The following XPO4 variants were observed in gnomAD, a reference collection of about 807,000 sequenced individuals.
XPO4 encodes the protein exportin-4.
XPO4 carries 39 observed loss-of-function variants against 143.0 expected under a neutral mutation model. That is an observed-to-expected ratio of 0.27 (90% confidence interval 0.21 to 0.36). The LOEUF (loss-of-function observed/expected upper bound fraction) is 0.36. XPO4 is among the 10% of genes least tolerant of loss of function. The probability of loss-of-function intolerance (pLI) is 1.00; values close to 1 mark genes in which losing one functional copy is unlikely to be tolerated. For synonymous variants in XPO4, 439 were observed against 474.0 expected, an observed-to-expected ratio of 0.93 and a Z score of 0.96; for missense variants, 907 against 1,348.0, an observed-to-expected ratio of 0.67 and a Z score of 5.12.
At chr13:20,863,989 A>G (rs1225362835) in intron 2 of XPO4, among the ~76,000 whole-genome samples, 1 of 152,190 alleles carries the variant, frequency 6.6e-6, no homozygotes, top group Non-Finnish European at 1.5e-5. Flanking sequence ...ATAAATTCCT[A>G]TCGTATTAGA....
At chr13:20,855,411 T>G (rs1392706077) in intron 4 of XPO4, among the ~76,000 whole-genome samples, 5 of 148,050 alleles carry the variant, frequency 3.4e-5, no homozygotes, top group Non-Finnish European at 5.9e-5. Context: ...GCCAAGATCA[T>G]GCCATTGCAC....
chr13:20,800,205 C>T lies in XPO4; in HGVS notation c.2098G>A (p.Ala700Thr), dbSNP rs779008689. 13 of 1,614,152 alleles carry T rather than the reference C, an allele frequency of 8.1e-6. No homozygotes were observed. The highest frequency in any genetic ancestry group is 1.1e-5 in the Non-Finnish European group (13 of 1,180,028). ...LSVWSSEQDLANDTVQLLVTL... is the reference protein window; with the variant it reads ...LSVWSSEQDLTNDTVQLLVTL... ...ACAAGGAGCTGCACAGTGTCATTTG[C>T]AAGGTCCTGCTCACTACTCCAGACT... The change falls in exon 15 of 23, where the codon GCA becomes ACA. Residue 700 changes from alanine to threonine, a missense_variant. By Grantham distance (58) the Ala-to-Thr change is moderately conservative. Coordinates refer to ENST00000255305, the MANE Select transcript of XPO4 (RefSeq NM_022459.5).
rs4294650 is a variant in XPO4 at position 20,782,401 on chromosome 13, C to T, written c.*1321G>A. On this transcript the variant is annotated 3_prime_UTR_variant, in exon 23 of 23. Coordinates refer to ENST00000255305, the MANE Select transcript of XPO4 (RefSeq NM_022459.5). ...TTCATTTCCACATTGTAAGCTGGCA[C>T]ACTGAATTAGGGGAGCCTGGCAGCT... 0.33 allele frequency: 50,922 copies of T among 152,278 alleles called. 9,886 individuals carry two copies. The highest frequency in any genetic ancestry group is 0.8 in the East Asian group (4,157 of 5,182). 9.4% of individuals were successfully genotyped at this position (152,278 alleles called of 1,614,324 possible).
At chr13:20,840,194 C>T (rs550130834) in intron 6 of XPO4, among the ~76,000 whole-genome samples, 5 of 150,982 alleles carry the variant, frequency 3.3e-5, no homozygotes, top group Non-Finnish European at 7.4e-5. Flanking sequence ...AGAGACAAAT[C>T]ACCTTTTATT....
At chr13:20,787,671 G>T in intron 20 of XPO4, 73 bp from the exon 21 acceptor site, 3 of 1,224,692 alleles carry the variant, frequency 2.4e-6, no homozygotes, top group Non-Finnish European at 3.6e-6. Context: ...ATTATAGCTA[G>T]TATTAAATGG....
At chr13:20,813,218 G>C (rs1389448607) in intron 9 of XPO4, among the ~76,000 whole-genome samples, 3 of 152,158 alleles carry the variant, frequency 2.0e-5, no homozygotes, top group South Asian at 4.2e-4. Context: ...CTGGCACGTG[G>C]GTATTACAAG....
At chr13:20,819,082 C>G (rs559885150) in intron 9 of XPO4, among the ~76,000 whole-genome samples, 40 of 152,274 alleles carry the variant, frequency 2.6e-4, no homozygotes, top group African/African-American at 8.4e-4. Flanking sequence ...CTCAGTCTCC[C>G]AAAGTACTGG....
chr13:20,875,572 C>T (rs932159592), intron 1 of XPO4, among the ~76,000 whole-genome samples: 4 of 152,176 alleles, frequency 2.6e-5, no homozygotes, highest in Admixed American at 6.5e-5. Context: ...CCTCTTAAAT[C>T]TATGTCCTCC....
intron 1 of XPO4, among the ~76,000 whole-genome samples, chr13:20,895,530 G>C (rs1021616667): frequency 6.6e-6 from 1 of 151,938 alleles, no homozygotes; most frequent in Non-Finnish European, 1.5e-5. Flanking sequence ...TACTCGGGAG[G>C]CTGAGGAAGG....
intron 5 of XPO4, among the ~76,000 whole-genome samples, chr13:20,843,437 G>A (rs375533946): frequency 9.9e-5 from 15 of 152,208 alleles, no homozygotes; most frequent in East Asian, 1.9e-4. Flanking sequence ...TGAAATACAC[G>A]GCCTTCTGGC....
chr13:20,809,858 T>C lies in XPO4; in HGVS notation c.1283A>G (p.His428Arg). 1.2e-6 allele frequency: 2 copies of C among 1,613,914 alleles called. No homozygotes were observed. The highest frequency in any genetic ancestry group is 1.1e-5 in the South Asian group (1 of 91,056). The stretch of plus-strand genomic sequence containing the variant: ...ATAGGAATTGAAAACTTGAACTGCA[T>C]GTTGGGTAAAAAAGCCTTTATGGAA... ...KHFHKGFFTQ[H>R]AVQVFNSYIQ... The change falls in exon 10 of 23, where the codon CAT becomes CGT. Residue 428 changes from histidine to arginine, a missense_variant. By Grantham distance (29) the His-to-Arg change is conservative. Coordinates refer to ENST00000255305, the MANE Select transcript of XPO4 (RefSeq NM_022459.5).
intron 1 of XPO4, among the ~76,000 whole-genome samples, chr13:20,877,935 G>A (rs994829006): frequency 1.3e-5 from 2 of 152,212 alleles, no homozygotes; most frequent in African/African-American, 4.8e-5. Flanking sequence ...GATGGGCATG[G>A]TGGCTCATGC....
chr13:20,874,220 A>G (rs1020939107), intron 1 of XPO4, among the ~76,000 whole-genome samples: 1 of 152,240 alleles, frequency 6.6e-6, no homozygotes, highest in African/African-American at 2.4e-5. Flanking sequence ...ACCATTAAAA[A>G]ACACGAAAAT....
intron 9 of XPO4, among the ~76,000 whole-genome samples, chr13:20,815,323 T>G (rs112978333): frequency 0.011 from 1,657 of 152,278 alleles, 17 homozygotes; most frequent in Non-Finnish European, 0.019. Context: ...TGGATGGCGA[T>G]GATGTGTCAA....
intron 22 of XPO4, among the ~76,000 whole-genome samples, chr13:20,784,264 C>G (rs1001919781): frequency 2.0e-5 from 3 of 152,182 alleles, no homozygotes; most frequent in African/African-American, 4.8e-5. Flanking sequence ...GCTGCCTCTT[C>G]AAAGCACATT....
At chr13:20,859,172 A>AAAAACTG (rs1190816097) in intron 3 of XPO4, among the ~76,000 whole-genome samples, 1 of 151,790 alleles carries the variant, frequency 6.6e-6, no homozygotes, top group African/African-American at 2.4e-5. Context: ...TCTCAATTTA[A>AAAAACTG]AAAACTGAAA....
chr13:20,873,778 G>A (rs1458466235), intron 1 of XPO4, among the ~76,000 whole-genome samples: 2 of 152,004 alleles, frequency 1.3e-5, no homozygotes, highest in East Asian at 1.9e-4. Context: ...CTACAGGCAC[G>A]CACCACCATG....
chr13:20,855,639 G>C lies in XPO4; in HGVS notation c.444C>G (p.Gly148=), dbSNP rs1425301041. The change falls in exon 4 of 23, where the codon GGC becomes GGG. Residue 148 remains glycine (G), a synonymous_variant. Transcript: ENST00000255305. ...FHEVSQLISS[G]NPTVQTLACS... ...ATAGCACACTTACCACAGTGGGATTGCCACTACTAATCAACTGGCTGACTT... is the reference window on the plus strand; with the variant it reads ...ATAGCACACTTACCACAGTGGGATTCCCACTACTAATCAACTGGCTGACTT... 6.2e-7 allele frequency: 1 copy of C among 1,604,592 alleles called. No individual in the cohort carries two copies. Among genetic ancestry groups the C allele is most frequent in the African/African-American group, 1.3e-5 (1 of 74,468 alleles).
chr13:20,837,496 G>T (rs747380212), intron 6 of XPO4, among the ~76,000 whole-genome samples: 1 of 151,764 alleles, frequency 6.6e-6, no homozygotes, highest in Non-Finnish European at 1.5e-5. Flanking sequence ...ACCTCTGACC[G>T]CCGGGTTCAA....
Sources: gnomAD v4.1 joint callset for allele counts (sites outside exome capture counted in the v4.1 genomes callset) on GRCh38, gnomAD v4.1.1 for gene constraint, MANE v1.5 for transcripts, NCBI Gene and HGNC (gene_info 2026-07-23, HGNC 2026-07-21) for gene names.